The following CNTNAP4 variants were observed in gnomAD, a reference collection of about 807,000 sequenced individuals.
CNTNAP4 encodes contactin-associated protein-like 4.
A neutral mutation model predicts 148.4 loss-of-function variants in CNTNAP4; 98 were observed. The ratio of observed to expected loss-of-function variants is 0.66; its 90% CI spans 0.56 to 0.78. CNTNAP4 has a LOEUF of 0.78. Ranked by LOEUF, CNTNAP4 falls within the 30% of genes least tolerant of loss-of-function variation. The pLI is 0.00. For synonymous variants in CNTNAP4, 730 were observed against 565.1 expected (o/e 1.29, Z -4.14); for missense variants, 1,935 against 1,565.6 (o/e 1.24, Z -3.98).
intron 17 of CNTNAP4, among the ~76,000 whole-genome samples, chr16:76,527,554 C>T (rs186900453): frequency 1.1e-4 from 16 of 152,174 alleles, no homozygotes; most frequent in Admixed American, 9.8e-4. Flanking sequence ...ATGAGGTAAA[C>T]GTGATTCTGA....
intron 15 of CNTNAP4, among the ~76,000 whole-genome samples, chr16:76,503,024 G>A (rs1011665590): frequency 5.9e-5 from 9 of 151,914 alleles, no homozygotes; most frequent in Non-Finnish European, 8.8e-5. Context: ...CTTTCTTTTC[G>A]TTTTGTTTTC....
At chr16:76,363,802 A>G (rs947913630) in intron 3 of CNTNAP4, among the ~76,000 whole-genome samples, 1 of 152,162 alleles carries the variant, frequency 6.6e-6, no homozygotes, top group African/African-American at 2.4e-5. Flanking sequence ...AAGTCAACAC[A>G]GTTAGTTTGC....
At chr16:76,372,084 G>A (rs1182495627) in intron 3 of CNTNAP4, among the ~76,000 whole-genome samples, 5 of 149,706 alleles carry the variant, frequency 3.3e-5, no homozygotes, top group African/African-American at 9.8e-5. Context: ...ATCTATTTTT[G>A]TTCTATTTCA....
At chr16:76,416,038 C>T (rs192843574) in intron 3 of CNTNAP4, among the ~76,000 whole-genome samples, 1 of 150,684 alleles carries the variant, frequency 6.6e-6, no homozygotes, top group Admixed American at 6.6e-5. Context: ...AATGTCTTAA[C>T]TTCTATCCTT....
chr16:76,535,886 A>G (rs769648296), intron 18 of CNTNAP4, 102 bp downstream of exon 18: 58 of 1,306,114 alleles, frequency 4.4e-5, no homozygotes, highest in Non-Finnish European at 5.6e-5. Flanking sequence ...AAAAAATTCA[A>G]TTTCTGAATT....
chr16:76,489,819 T>G lies in CNTNAP4; in HGVS notation c.2016T>G (p.Arg672=). 1 of 1,605,702 alleles carries G rather than the reference T, an allele frequency of 6.2e-7. No individual in the cohort carries two copies. Among genetic ancestry groups the G allele is most frequent in the Non-Finnish European group, 8.5e-7 (1 of 1,175,422 alleles). ...AGCAACTTCAGGCCACTATTAACCG[T>G]GCAGAGCACTGTGAACAGGAGTTTA... is the stretch of plus-strand genomic sequence containing the variant. ...SMEQLQATIN[R]AEHCEQEFTY... is the part of the protein sequence containing the mutation. The change falls in exon 13 of 24, where the codon CGT becomes CGG. Residue 672 remains arginine (R), a synonymous_variant. Transcript: ENST00000611870.
At chr16:76,482,491 G>A (rs971018400) in intron 12 of CNTNAP4, among the ~76,000 whole-genome samples, 1 of 149,120 alleles carries the variant, frequency 6.7e-6, no homozygotes, top group Non-Finnish European at 1.5e-5. Flanking sequence ...AGATTCTGAG[G>A]AGGCATTTGA....
At position 76,479,449 on chromosome 16, in the gene CNTNAP4, A is replaced by G; in HGVS notation, c.1793A>G (p.Lys598Arg). 1 of 1,610,176 alleles carries G rather than the reference A, an allele frequency of 6.2e-7. No homozygotes were observed. The change falls in exon 12 of 24, where the codon AAG (lysine) becomes AGG (arginine). Residue 598 changes from lysine (K) to arginine (R), a missense_variant. By Grantham distance (26) the Lys-to-Arg change is conservative. Coordinates refer to ENST00000611870, the MANE Select transcript of CNTNAP4 (RefSeq NM_033401.5). ...SIYEQSCEAY[K>R]HRGNTSGFYY... ...TATGAGCAGTCATGTGAAGCCTATA[A>G]GCACAGAGGAAATACTTCAGGGTTT...
chr16:76,510,858 C>G (rs1278895680), intron 15 of CNTNAP4, among the ~76,000 whole-genome samples: 1 of 151,968 alleles, frequency 6.6e-6, no homozygotes, highest in African/African-American at 2.4e-5. Flanking sequence ...GACAGATTTC[C>G]TTTATTTTAT....
chr16:76,467,627 T>G lies in CNTNAP4; in HGVS notation c.1655+104T>G, dbSNP rs192413694. On this transcript the variant is annotated intron_variant, in intron 10 of 23. Coordinates refer to ENST00000611870, the MANE Select transcript of CNTNAP4 (RefSeq NM_033401.5). ...TATTCTTTCCTCTTCCCCATTCTTA[T>G]CTGTTCCACAGGAAATGAATTATAT... 6 of 935,694 alleles carry G rather than the reference T, an allele frequency of 6.4e-6. No individual in the cohort carries two copies. The African/African-American group carries it at 6.7e-5, about 10-fold the overall frequency. The allele number at this position is 935,694 out of a possible 1,614,324, so 58.0% of individuals were successfully genotyped here.
chr16:76,459,447 C>CTT (rs79772809), intron 8 of CNTNAP4, among the ~76,000 whole-genome samples: 3 of 151,932 alleles, frequency 2.0e-5, no homozygotes, highest in East Asian at 1.9e-4. Context: ...CTTCAGTAAT[C>CTT]TTTTTTTGCT....
At chr16:76,469,151 A>G (rs531905456) in intron 10 of CNTNAP4, among the ~76,000 whole-genome samples, 22 of 152,224 alleles carry the variant, frequency 1.4e-4, no homozygotes, top group Non-Finnish European at 2.5e-4. Flanking sequence ...ATATTCAGCA[A>G]TAAGAGTGGC....
chr16:76,558,241 G>C (rs1044153598), intron 23 of CNTNAP4: 1 of 369,596 alleles, frequency 2.7e-6, no homozygotes, highest in Admixed American at 4.5e-5. Flanking sequence ...AATGCACCAA[G>C]TAAATCCGAT....
intron 21 of CNTNAP4, among the ~76,000 whole-genome samples, chr16:76,543,666 G>A (rs1461288231): frequency 6.6e-6 from 1 of 152,188 alleles, no homozygotes; most frequent in African/African-American, 2.4e-5. Flanking sequence ...GGGAGCCATT[G>A]AGTTAAAGTC....
At chr16:76,447,451 A>C (rs1329248212) in intron 4 of CNTNAP4, among the ~76,000 whole-genome samples, 1 of 151,996 alleles carries the variant, frequency 6.6e-6, no homozygotes, top group Admixed American at 6.6e-5. Flanking sequence ...AAATGAAATC[A>C]ACCCCATGTG....
intron 2 of CNTNAP4, among the ~76,000 whole-genome samples, chr16:76,323,719 C>G (rs1196758288): frequency 6.6e-6 from 1 of 152,126 alleles, no homozygotes; most frequent in Non-Finnish European, 1.5e-5. Flanking sequence ...ATCTCCCTGC[C>G]AGCGTCTTGG....
chr16:76,357,711 C>CT (rs1317474046), intron 3 of CNTNAP4, among the ~76,000 whole-genome samples: 2 of 152,294 alleles, frequency 1.3e-5, no homozygotes, highest in Middle Eastern at 3.4e-3. Context: ...AATGCACTTT[C>CT]TTGTAGAATA....
chr16:76,430,560 A>G (rs2079570162), intron 4 of CNTNAP4, among the ~76,000 whole-genome samples: 1 of 152,166 alleles, frequency 6.6e-6, no homozygotes, highest in Admixed American at 6.5e-5. Flanking sequence ...GGGAGTGGGT[A>G]GGGTTTCTTT....
At chr16:76,280,137 A>G (rs920304156) in intron 1 of CNTNAP4, among the ~76,000 whole-genome samples, 3 of 152,212 alleles carry the variant, frequency 2.0e-5, no homozygotes, top group South Asian at 2.1e-4. Context: ...AAATAAAATT[A>G]AAGGACTAGA....
Sources: gnomAD v4.1 joint callset for allele counts (sites outside exome capture counted in the v4.1 genomes callset) on GRCh38, gnomAD v4.1.1 for gene constraint, MANE v1.5 for transcripts, NCBI Gene and HGNC (gene_info 2026-07-23, HGNC 2026-07-21) for gene names.